DYNLRB1: variants seen among roughly 807,000 people sequenced by gnomAD.
The protein encoded by DYNLRB1 is ROBL/LC7-like 1.
Under a neutral mutation model 13.5 loss-of-function variants are expected in DYNLRB1, and 6 were observed. The ratio of observed to expected loss-of-function variants is 0.44; its 90% CI spans 0.24 to 0.88. DYNLRB1 has a LOEUF of 0.88. Among genes scored for constraint, DYNLRB1 ranks in the 40% least tolerant of loss-of-function variants. The pLI is 0.21. For missense variants in DYNLRB1, 93 were observed against 127.2 expected (o/e 0.73, Z 1.29); for synonymous variants, 43 against 45.0 (o/e 0.96, Z 0.18).
upstream of DYNLRB1, chr20:34,516,340 C>T: frequency 6.9e-7 from 1 of 1,451,462 alleles, no homozygotes; most frequent in Non-Finnish European, 9.2e-7. Flanking sequence ...GCCCCCGCCT[C>T]ACGCTGGCTC....
Position 34,534,716 on chromosome 20 carries a change from C to T in DYNLRB1, c.168C>T (p.Thr56=), listed in dbSNP as rs1371497626. The T allele has an allele frequency of 3.7e-6, 6 of 1,613,158 alleles. No individual in the cohort carries two copies. The highest frequency in any genetic ancestry group is 3.3e-5 in the South Asian group (3 of 90,962). ...MHSFILKARS[T]VRDIDPQNDL... The stretch of plus-strand genomic sequence containing the variant: ...GCTTCATCCTGAAGGCACGGAGCAC[C>T]GTGCGTGACATCGACCCCCAGAACG... Residue 56 remains threonine, a synonymous_variant, in exon 3 of 4, where the codon ACC becomes ACT. Transcript: ENST00000357156.
In DYNLRB1 at chr20:34,522,469, C is replaced by CTT. The variant is rs771811577; in HGVS notation, c.4-3778_4-3777dup. ...TTTTCTTTCTTTCTTTTTTCTTTTT[C>CTT]TTTTTTTTTTTTTTTTTTTTTTGAT... On this transcript the variant is annotated intron_variant, in intron 1 of 3. Transcript: ENST00000357156. 7.3e-3 allele frequency among the ~76,000 whole-genome samples: 565 copies of CTT among 77,188 alleles called. 28 individuals carry two copies. The highest frequency in any genetic ancestry group is 0.025 in the African/African-American group (465 of 18,426). The allele number at this position is 77,188 out of a possible 152,430, so 50.6% of individuals were successfully genotyped here.
chr20:34,536,991 CAGCGGCAGCGTCTCCAATTTGGCCCTGA>C (rs1445257955), intron 3 of DYNLRB1, among the ~76,000 whole-genome samples: 1 of 152,178 alleles, frequency 6.6e-6, no homozygotes, highest in Non-Finnish European at 1.5e-5. Context: ...CTCAACTTGG[CAGCGGCAGCGTCTCCAATTTGGCCCTGA>C]AGACCCACAG....
intron 2 of DYNLRB1, among the ~76,000 whole-genome samples, chr20:34,532,830 G>A (rs1464717117): frequency 3.9e-5 from 6 of 152,150 alleles, no homozygotes; most frequent in African/African-American, 1.4e-4. Flanking sequence ...TCACATTCCT[G>A]GTGCCCTAGG....
intron 1 of DYNLRB1, among the ~76,000 whole-genome samples, chr20:34,521,595 A>G (rs1600539703): frequency 6.6e-6 from 1 of 152,132 alleles, no homozygotes; most frequent in Non-Finnish European, 1.5e-5. Context: ...CATCCCTCCT[A>G]TGCTGAGCCA....
chr20:34,517,499 A>G (rs1452106278), intron 1 of DYNLRB1, among the ~76,000 whole-genome samples: 1 of 152,170 alleles, frequency 6.6e-6, no homozygotes, highest in Non-Finnish European at 1.5e-5. Flanking sequence ...AAAAATTGAT[A>G]TATAATAGTT....
At chr20:34,529,987 C>T in intron 2 of DYNLRB1, 1 of 1,308,356 alleles carries the variant, frequency 7.6e-7, no homozygotes, top group African/African-American at 1.5e-5. Context: ...TGTGATGGTC[C>T]AGGGAATCTC....
In DYNLRB1 at chr20:34,534,659, C is replaced by A; in HGVS notation, c.111C>A (p.Pro37=). ...GIPIKSTMDN[P]TTTQYASLMH... is the part of the protein sequence containing the mutation. Reference sequence around the variant, plus strand: ...CCATCAAGAGCACCATGGACAACCCCACCACCACCCAGTATGCCAGCCTCA... The same window carrying A: ...CCATCAAGAGCACCATGGACAACCCAACCACCACCCAGTATGCCAGCCTCA... The change falls in exon 3 of 4, where the codon CCC becomes CCA. Residue 37 remains proline (P), a synonymous_variant. Transcript: ENST00000357156. 6.3e-7 allele frequency: 1 copy of A among 1,583,066 alleles called. No individual in the cohort carries two copies. The highest frequency in any genetic ancestry group is 8.6e-7 in the Non-Finnish European group (1 of 1,163,952).
chr20:34,531,928 C>T (rs1232259890), intron 2 of DYNLRB1, among the ~76,000 whole-genome samples: 2 of 152,124 alleles, frequency 1.3e-5, no homozygotes, highest in Admixed American at 6.5e-5. Context: ...AAGGTGGCTT[C>T]GTGGTGTGTA....
chr20:34,535,880 G>C, intron 3 of DYNLRB1: 2 of 985,298 alleles, frequency 2.0e-6, no homozygotes, highest in South Asian at 9.4e-5. Context: ...GGCAGTGGGG[G>C]GTCTGGGGAC....
chr20:34,540,066 G>A (rs771836591), intron 3 of DYNLRB1, among the ~76,000 whole-genome samples: 2 of 152,234 alleles, frequency 1.3e-5, no homozygotes, highest in Non-Finnish European at 1.5e-5. Flanking sequence ...AAGTAGCTGG[G>A]TAACCTTAAG....
In DYNLRB1 at chr20:34,535,779, C is replaced by T. The variant is rs369768384; in HGVS notation, c.247+984C>T. On this transcript the variant is annotated intron_variant, in intron 3 of 3. Coordinates refer to ENST00000357156, the MANE Select transcript of DYNLRB1 (RefSeq NM_014183.4). ...GGTCCAGTTTAGAAGGGGCCACAAACACCTAACTCAGTTGCATGGACTTGA... is the reference window on the plus strand; with the variant it reads ...GGTCCAGTTTAGAAGGGGCCACAAATACCTAACTCAGTTGCATGGACTTGA... 129 of 985,228 alleles carry T rather than the reference C, an allele frequency of 1.3e-4. No homozygotes were observed. The East Asian group carries it at 4.5e-3, about 35-fold the overall frequency. The allele number at this position is 985,228 out of a possible 1,614,324, so 61.0% of individuals were successfully genotyped here.
chr20:34,535,700 C>A (rs764037628), intron 3 of DYNLRB1: 92 of 985,216 alleles, frequency 9.3e-5, no homozygotes, highest in Non-Finnish European at 1.1e-4. Context: ...CGCTGCAGTG[C>A]CGCTTATCTA....
At chr20:34,534,463 G>C (rs1369882288) in intron 2 of DYNLRB1, among the ~76,000 whole-genome samples, 165 bp from the exon 3 acceptor site, 1 of 151,970 alleles carries the variant, frequency 6.6e-6, no homozygotes, top group Non-Finnish European at 1.5e-5. Flanking sequence ...CATGGCACTG[G>C]CATGCTTCGG....
At chr20:34,517,266 A>G (rs1979312767) in intron 1 of DYNLRB1, among the ~76,000 whole-genome samples, 1 of 152,256 alleles carries the variant, frequency 6.6e-6, no homozygotes, top group South Asian at 2.1e-4. Flanking sequence ...AATTGAAAAA[A>G]GAAACCGTGT....
chr20:34,530,357 T>G, intron 2 of DYNLRB1: 1 of 895,436 alleles, frequency 1.1e-6, no homozygotes, highest in Non-Finnish European at 1.3e-6. Flanking sequence ...TATGTGGTTT[T>G]GGGCATAAGC....
intron 3 of DYNLRB1, 173 bp downstream of exon 3, chr20:34,534,968 G>A: frequency 6.8e-7 from 1 of 1,469,832 alleles, no homozygotes; most frequent in South Asian, 1.4e-5. Context: ...GTGTCCCATA[G>A]CAGATCCTCC....
chr20:34,524,786 C>G (rs956522906), intron 1 of DYNLRB1, among the ~76,000 whole-genome samples: 1 of 149,932 alleles, frequency 6.7e-6, no homozygotes, highest in Admixed American at 6.7e-5. Context: ...TGCAGTGGTG[C>G]GATCTCGGCT....
At chr20:34,538,067 A>C (rs1272798658) in intron 3 of DYNLRB1, among the ~76,000 whole-genome samples, 15 of 122,930 alleles carry the variant, frequency 1.2e-4, no homozygotes, top group African/African-American at 4.4e-4. Flanking sequence ...GGCTCTCTGC[A>C]GCCTCAGCCT....
Sources: gnomAD v4.1 joint callset for allele counts (sites outside exome capture counted in the v4.1 genomes callset) on GRCh38, gnomAD v4.1.1 for gene constraint, MANE v1.5 for transcripts, NCBI Gene and HGNC (gene_info 2026-07-23, HGNC 2026-07-21) for gene names.